SDHA: variants seen among roughly 807,000 people sequenced by gnomAD.
SDHA encodes the protein succinate dehydrogenase [ubiquinone] flavoprotein subunit, mitochondrial.
Under a neutral mutation model 78.4 loss-of-function variants are expected in SDHA, and 48 were observed. The ratio of observed to expected loss-of-function variants is 0.61; its 90% CI spans 0.49 to 0.78. The LOEUF (loss-of-function observed/expected upper bound fraction) is 0.78. SDHA is among the 30% of genes least tolerant of loss of function. SDHA has a pLI of 0.00. For missense variants in SDHA, 680 were observed against 892.7 expected (o/e 0.76, Z 3.04); for synonymous variants, 326 against 353.9 (o/e 0.92, Z 0.88).
At chr5:247,464 T>G (rs868149213) in intron 11 of SDHA, among the ~76,000 whole-genome samples, 1 of 152,222 alleles carries the variant, frequency 6.6e-6, no homozygotes, top group Non-Finnish European at 1.5e-5. Context: ...CTTTCACAAT[T>G]TAACCCGTGT....
intron 11 of SDHA, 174 bp from the exon 12 acceptor site, chr5:250,818 A>G: frequency 1.5e-6 from 1 of 652,508 alleles, no homozygotes; most frequent in Non-Finnish European, 2.8e-6. Context: ...GCTTTAGTCA[A>G]AACTTCATTT....
In SDHA at chr5:240,387, G is replaced by T. The variant is rs369100772; in HGVS notation, c.1462G>T (p.Ala488Ser). The change falls in exon 11 of 15, where the codon GCT (alanine) becomes TCT (serine). Residue 488 changes from alanine (A) to serine (S), a missense_variant. Transcript: ENST00000264932. ...TAAAGTCCCTCCAATTAAACCAAAC[G>T]CTGGGGAAGAATCTGTCATGAATCT... ...GDKVPPIKPN[A>S]GEESVMNLDK... 5 of 1,609,064 alleles carry T rather than the reference G, an allele frequency of 3.1e-6. No homozygotes were observed. The highest frequency in any genetic ancestry group is 2.2e-5 in the East Asian group (1 of 44,856).
chr5:257,854 G>A (rs1737306162), downstream of SDHA, among the ~76,000 whole-genome samples: 1 of 17,254 alleles, frequency 5.8e-5, no homozygotes, highest in Non-Finnish European at 1.6e-4. Context: ...TACTGTGTGA[G>A]CTCCGCCTCC....
chr5:229,150 A>T (rs1352282982), intron 6 of SDHA, among the ~76,000 whole-genome samples: 1 of 152,172 alleles, frequency 6.6e-6, no homozygotes, highest in African/African-American at 2.4e-5. Context: ...AGAAAAGGGA[A>T]CCCTGTGTGC....
At chr5:223,624 G>T (rs1186053546) in intron 2 of SDHA, 56 bp downstream of exon 2, 1 of 1,325,818 alleles carries the variant, frequency 7.5e-7, no homozygotes, top group Non-Finnish European at 1.1e-6. Context: ...AGGGGGTAAG[G>T]ATCTATACCA....
At chr5:237,579 G>A (rs1292766038) in intron 10 of SDHA, among the ~76,000 whole-genome samples, 1 of 134,588 alleles carries the variant, frequency 7.4e-6, no homozygotes, top group Non-Finnish European at 1.5e-5. Flanking sequence ...AACAGTGTGA[G>A]GTGGATGAGG....
chr5:244,032 T>G (rs10066474), intron 11 of SDHA, among the ~76,000 whole-genome samples: 38,039 of 147,518 alleles, frequency 0.26, 6,857 homozygotes, highest in African/African-American at 0.54. Flanking sequence ...AAAGGAAAAC[T>G]TTGGGCTAAT....
the SDHA span, among the ~76,000 whole-genome samples, chr5:265,503 A>G: frequency 2.0e-5 from 3 of 152,232 alleles, no homozygotes; most frequent in African/African-American, 4.8e-5. Context: ...AGGGAAGATC[A>G]GCGATTATCC....
chr5:257,754 T>G (rs1226937923), downstream of SDHA, among the ~76,000 whole-genome samples: 10 of 104,674 alleles, frequency 9.6e-5, no homozygotes, highest in East Asian at 2.7e-4. Flanking sequence ...AGCATTACTG[T>G]GTGAGCTCCG....
chr5:221,669 T>TA (rs1282768034), intron 1 of SDHA, among the ~76,000 whole-genome samples: 7 of 152,184 alleles, frequency 4.6e-5, no homozygotes, highest in Non-Finnish European at 1.0e-4. Context: ...TAGTTTCTCC[T>TA]AAAAAAATTA....
intron 5 of SDHA, 121 bp from the exon 6 acceptor site, chr5:228,061 TCTC>T: frequency 1.1e-6 from 1 of 930,296 alleles, no homozygotes; most frequent in Non-Finnish European, 1.7e-6. Flanking sequence ...CTGTTGCTGA[TCTC>T]CTTGGATTTA....
chr5:238,827 C>T (rs1250846414), intron 10 of SDHA, among the ~76,000 whole-genome samples: 2 of 151,810 alleles, frequency 1.3e-5, no homozygotes, highest in Non-Finnish European at 2.9e-5. Context: ...GGCATGGTGG[C>T]TCACACCTAT....
chr5:250,631 C>T (rs974068539), intron 11 of SDHA: 1 of 354,214 alleles, frequency 2.8e-6, no homozygotes, highest in African/African-American at 2.1e-5. Flanking sequence ...GACCCCGCGT[C>T]AGGAGTCCCG....
chr5:232,095 A>G (rs1735441089), intron 7 of SDHA, among the ~76,000 whole-genome samples: 1 of 152,188 alleles, frequency 6.6e-6, no homozygotes, highest in Non-Finnish European at 1.5e-5. Context: ...CCTGTGGACG[A>G]TGGAGACCTC....
rs1244151760 is a variant in SDHA at position 254,506 on chromosome 5, G to C, written c.1908G>C (p.Lys636Asn). ...CCTATGTGGACGTTGGCACTGGGAA[G>C]GTCAGTGTGGAGCTCGTTCTCACCA... Reference protein sequence around the residue: ...TLSYVDVGTGKVTLEYRPVID... With the variant: ...TLSYVDVGTGNVTLEYRPVID... Residue 636 changes from lysine (K) to asparagine (N), a missense_variant and splice_region_variant, in exon 14 of 15, where the codon AAG (lysine) becomes AAC (asparagine). By Grantham distance (94) the Lys-to-Asn change is moderately conservative. Coordinates refer to ENST00000264932, the MANE Select transcript of SDHA (RefSeq NM_004168.4). 1 of 1,556,970 alleles carries C rather than the reference G, an allele frequency of 6.4e-7. No homozygotes were observed. Among genetic ancestry groups the C allele is most frequent in the Non-Finnish European group, 8.7e-7 (1 of 1,150,606 alleles).
chr5:235,219 G>A lies in SDHA; in HGVS notation c.1140G>A (p.Leu380=), dbSNP rs146348714. 3 of 1,613,966 alleles carry A rather than the reference G, an allele frequency of 1.9e-6. No homozygotes were observed. Among genetic ancestry groups the A allele is most frequent in the Non-Finnish European group, 2.5e-6 (3 of 1,179,874 alleles). The part of the protein sequence containing the change: ...HLPPEQLATR[L]PGISETAMIF... ...CTCCAGAGCAGCTGGCCACGCGCCT[G>A]CCTGGCATTTCAGAGACAGCCATGA... The change falls in exon 9 of 15, where the codon CTG becomes CTA. Residue 380 remains leucine (L), a synonymous_variant. Coordinates refer to ENST00000264932, the MANE Select transcript of SDHA (RefSeq NM_004168.4).
chr5:240,310 T>C (rs1409213075), intron 10 of SDHA, 48 bp from the exon 11 acceptor site: 2 of 1,289,156 alleles, frequency 1.6e-6, no homozygotes. Flanking sequence ...CCATTTGGTT[T>C]TTTAAAACGG....
chr5:227,955 A>C, intron 5 of SDHA: 1 of 519,168 alleles, frequency 1.9e-6, no homozygotes, highest in Non-Finnish European at 3.5e-6. Flanking sequence ...TGTGTCACCA[A>C]AATAGGAGCT....
rs746083858 is a variant in SDHA at position 256,396 on chromosome 5, C to T, written c.1971C>T (p.Val657=). ...KTLNEADCAT[V]PPAIRSY ...TGAACGAGGCTGACTGTGCCACCGT[C>T]CCGCCAGCCATTCGCTCCTACTGAT... The change falls in exon 15 of 15, where the codon GTC becomes GTT. Residue 657 remains valine, a synonymous_variant. Transcript: ENST00000264932. 12 of 1,613,674 alleles carry T rather than the reference C, an allele frequency of 7.4e-6. No homozygotes were observed. The Admixed American group carries it at 1.8e-4, about 25-fold the overall frequency.
Sources: gnomAD v4.1 joint callset for allele counts (sites outside exome capture counted in the v4.1 genomes callset) on GRCh38, gnomAD v4.1.1 for gene constraint, MANE v1.5 for transcripts, NCBI Gene and HGNC (gene_info 2026-07-23, HGNC 2026-07-21) for gene names.